Variants in SCAPER observed in about 807,000 individuals in gnomAD.
SCAPER encodes S phase cyclin A-associated protein in the endoplasmic reticulum.
Under a neutral mutation model 182.2 loss-of-function variants are expected in SCAPER, and 98 were observed. That is an observed-to-expected ratio of 0.54 (90% CI 0.46 to 0.64). The LOEUF (loss-of-function observed/expected upper bound fraction) is 0.64. Among genes scored for constraint, SCAPER ranks in the 30% least tolerant of loss-of-function variants. SCAPER has a pLI of 0.00. For synonymous variants in SCAPER, 605 were observed against 564.6 expected (o/e 1.07, Z -1.01); for missense variants, 1,432 against 1,690.0 (o/e 0.85, Z 2.68).
chr15:76,495,653 A>T (rs1281351606), intron 24 of SCAPER, among the ~76,000 whole-genome samples: 1 of 150,666 alleles, frequency 6.6e-6, no homozygotes, highest in Non-Finnish European at 1.5e-5. Flanking sequence ...GTACTTGACT[A>T]TGTCATTCTT....
chr15:76,351,117 C>A, intron 31 of SCAPER, 120 bp downstream of exon 31: 1 of 798,072 alleles, frequency 1.3e-6, no homozygotes, highest in South Asian at 2.7e-5. Context: ...ATCTGAATCT[C>A]AAATATTTTT....
intron 15 of SCAPER, among the ~76,000 whole-genome samples, chr15:76,749,370 T>A (rs777995507): frequency 7.9e-4 from 121 of 152,210 alleles, no homozygotes; most frequent in Non-Finnish European, 1.1e-3. Context: ...ATCTATGAAA[T>A]GTCTATAGCT....
At chr15:76,655,364 A>T (rs1470570906) in intron 21 of SCAPER, among the ~76,000 whole-genome samples, 1 of 152,182 alleles carries the variant, frequency 6.6e-6, no homozygotes, top group African/African-American at 2.4e-5. Flanking sequence ...AGAAGAAGGA[A>T]CAAAACCTCT....
chr15:76,531,722 T>C (rs1364229821), intron 23 of SCAPER, among the ~76,000 whole-genome samples: 1 of 152,098 alleles, frequency 6.6e-6, no homozygotes, highest in Non-Finnish European at 1.5e-5. Flanking sequence ...CTTAATGAAA[T>C]TGCCCAGAGA....
At chr15:76,485,609 G>A (rs2051555843) in intron 24 of SCAPER, among the ~76,000 whole-genome samples, 2 of 152,114 alleles carry the variant, frequency 1.3e-5, no homozygotes, top group African/African-American at 2.4e-5. Context: ...AAAGCTGGAG[G>A]CATCACTCTA....
At chr15:76,717,172 A>C (rs1173400641) in intron 17 of SCAPER, among the ~76,000 whole-genome samples, 1 of 150,634 alleles carries the variant, frequency 6.6e-6, no homozygotes, top group Non-Finnish European at 1.5e-5. Context: ...CTGCCGGCTA[A>C]GAATACTATA....
At chr15:76,740,715 T>C (rs1460981283) in intron 15 of SCAPER, among the ~76,000 whole-genome samples, 1 of 152,166 alleles carries the variant, frequency 6.6e-6, no homozygotes, top group African/African-American at 2.4e-5. Flanking sequence ...AGTTTTTTTC[T>C]TAATAAAATC....
At chr15:76,360,541 T>C (rs2041330690) in intron 29 of SCAPER, among the ~76,000 whole-genome samples, 1 of 152,256 alleles carries the variant, frequency 6.6e-6, no homozygotes, top group Admixed American at 6.5e-5. Flanking sequence ...AGAAGGGCTG[T>C]CTGTCACTAG....
rs549230527 is a variant in SCAPER, at chr15:76,415,163, T to C, written c.3312-10484A>G. Among the ~76,000 whole-genome samples, 9 of 152,324 alleles carry C rather than the reference T, an allele frequency of 5.9e-5. No individual in the cohort carries two copies. In the South Asian group the frequency reaches 1.9e-3, roughly 32 times the overall value. ...TGGGGAAATGGAAACTGCAGTTTTT[T>C]TGATGATGGGAACTAAAATTTGTAC... On this transcript the variant is annotated intron_variant, in intron 26 of 31. Transcript: ENST00000563290.
intron 22 of SCAPER, among the ~76,000 whole-genome samples, chr15:76,612,339 G>A (rs112082855): frequency 6.6e-6 from 1 of 152,170 alleles, no homozygotes; most frequent in Non-Finnish European, 1.5e-5. Flanking sequence ...CCAGGCTCAG[G>A]TGATTCTCCC....
intron 21 of SCAPER, among the ~76,000 whole-genome samples, chr15:76,652,128 A>G (rs2055106323): frequency 6.7e-6 from 1 of 149,468 alleles, no homozygotes; most frequent in South Asian, 2.1e-4. Context: ...ATAACTAAAA[A>G]TAAGGCCAGG....
chr15:76,565,273 G>T (rs1225440039), intron 23 of SCAPER, among the ~76,000 whole-genome samples: 1 of 152,060 alleles, frequency 6.6e-6, no homozygotes, highest in Non-Finnish European at 1.5e-5. Flanking sequence ...TCTGACAAAG[G>T]CCTAATACCT....
intron 23 of SCAPER, among the ~76,000 whole-genome samples, chr15:76,526,953 C>A (rs1323023908): frequency 6.6e-6 from 1 of 151,956 alleles, no homozygotes; most frequent in Non-Finnish European, 1.5e-5. Context: ...CTCACTGCAA[C>A]CTCTACCTCC....
chr15:76,870,957 A>G (rs905664299), intron 2 of SCAPER, among the ~76,000 whole-genome samples: 1 of 152,200 alleles, frequency 6.6e-6, no homozygotes, highest in Non-Finnish European at 1.5e-5. Flanking sequence ...CAACAACAAC[A>G]AAAAACCTTA....
At chr15:76,860,932 G>A (rs1383700645) in intron 3 of SCAPER, among the ~76,000 whole-genome samples, 2 of 152,066 alleles carry the variant, frequency 1.3e-5, no homozygotes, top group African/African-American at 4.8e-5. Context: ...TCTCCCATTT[G>A]AAAAATTGAG....
At chr15:76,389,815 C>CAA (rs34780168) in intron 27 of SCAPER, among the ~76,000 whole-genome samples, 1,110 of 95,268 alleles carry the variant, frequency 0.012, 17 homozygotes, top group East Asian at 0.014. Context: ...GACTCCGTCT[C>CAA]AAAAAAAAAA....
In SCAPER at chr15:76,642,835, C is replaced by T. The variant is rs562915604; in HGVS notation, c.2646-21006G>A. Among the ~76,000 whole-genome samples, 16 of 152,138 alleles carry T rather than the reference C, an allele frequency of 1.1e-4. 1 individual carries two copies. In the East Asian group the frequency reaches 2.9e-3, roughly 28 times the overall value. On this transcript the variant is annotated intron_variant, in intron 21 of 31. Transcript: ENST00000563290. Reference sequence around the variant, plus strand: ...AGTTTGAGACATTTTGAGATTTTTTCTAAGATTTTTGAGACATTTTCACCA... The same window carrying T: ...AGTTTGAGACATTTTGAGATTTTTTTTAAGATTTTTGAGACATTTTCACCA...
rs546185411 is a variant in SCAPER, at chr15:76,495,790, TA to T, written c.2954+9068del. On this transcript the variant is annotated intron_variant, in intron 24 of 31. Coordinates refer to ENST00000563290, the MANE Select transcript of SCAPER (RefSeq NM_020843.4). ...ATTTTCTTCATTCTGTTCAGCACAG[TA>T]AAATGACTTAACTAAGAAAAGATCA... Among the ~76,000 whole-genome samples, 115 of 152,226 alleles carry T rather than the reference TA, an allele frequency of 7.6e-4. 7 individuals are homozygous for T. In the South Asian group the frequency reaches 0.022, roughly 29 times the overall value.
chr15:76,469,450 A>G (rs2049958094), intron 25 of SCAPER, among the ~76,000 whole-genome samples: 1 of 152,206 alleles, frequency 6.6e-6, no homozygotes, highest in South Asian at 2.1e-4. Context: ...AGCCAATAAA[A>G]CAGACTATTC....
Sources: allele counts gnomAD v4.1 joint callset (sites outside exome capture counted in the v4.1 genomes callset), GRCh38; gene constraint gnomAD v4.1.1; transcripts MANE v1.5; gene names NCBI Gene and HGNC (gene_info 2026-07-23, HGNC 2026-07-21).